The following ADAMTSL1 variants were observed in gnomAD, a reference collection of about 807,000 sequenced individuals.
ADAMTSL1 encodes ADAMTS like 1, also known as ADAMTS-like protein 1.
In ADAMTSL1, 126 loss-of-function variants were observed where a neutral mutation model predicts 201.8. The ratio of observed to expected loss-of-function variants is 0.62; its 90% CI spans 0.54 to 0.72. The LOEUF is 0.72. Among genes scored for constraint, ADAMTSL1 ranks in the 30% least tolerant of loss-of-function variants. The pLI is 0.00. For missense variants in ADAMTSL1, 2,679 were observed against 2,277.8 expected (o/e 1.18, Z -3.59); for synonymous variants, 1,121 against 903.4 (o/e 1.24, Z -4.32).
intron 2 of ADAMTSL1, among the ~76,000 whole-genome samples, chr9:18,412,016 C>G (rs1299180831): frequency 2.6e-5 from 4 of 152,308 alleles, no homozygotes; most frequent in South Asian, 2.1e-4. Flanking sequence ...ATAGCAGTCT[C>G]TATACCATTC....
intron 1 of ADAMTSL1, among the ~76,000 whole-genome samples, chr9:17,922,631 A>G (rs1295948956): frequency 6.6e-6 from 1 of 152,118 alleles, no homozygotes; most frequent in Non-Finnish European, 1.5e-5. Context: ...TTATTTACAG[A>G]TGAGAGAGGT....
At chr9:18,054,281 C>G (rs1043304402) in intron 1 of ADAMTSL1, among the ~76,000 whole-genome samples, 1 of 152,116 alleles carries the variant, frequency 6.6e-6, no homozygotes, top group Middle Eastern at 3.2e-3. Flanking sequence ...TCTGAGAAAA[C>G]GTCTATTCAA....
chr9:17,925,233 AG>A (rs1193609254), intron 1 of ADAMTSL1, among the ~76,000 whole-genome samples: 1 of 120,264 alleles, frequency 8.3e-6, no homozygotes, highest in Non-Finnish European at 1.8e-5. Context: ...GTGGAGAAAT[AG>A]GAACACTTTT....
intron 14 of ADAMTSL1, among the ~76,000 whole-genome samples, chr9:18,713,710 G>A (rs1832744878): frequency 1.3e-5 from 2 of 148,570 alleles, no homozygotes; most frequent in South Asian, 4.3e-4. Context: ...AGTCGACAAG[G>A]ATACCCAGGA....
intron 20 of ADAMTSL1, among the ~76,000 whole-genome samples, chr9:18,805,764 C>T (rs1294887881): frequency 6.6e-6 from 1 of 152,194 alleles, no homozygotes; most frequent in African/African-American, 2.4e-5. Context: ...GAATCCGTAT[C>T]TGCACAGTAC....
At chr9:18,311,398 A>G (rs1306765681) in intron 2 of ADAMTSL1, among the ~76,000 whole-genome samples, 1 of 152,100 alleles carries the variant, frequency 6.6e-6, no homozygotes, top group African/African-American at 2.4e-5. Flanking sequence ...TATCACTGTC[A>G]TCTCCTGCTG....
chr9:18,192,526 T>C (rs1041555792), intron 2 of ADAMTSL1, among the ~76,000 whole-genome samples: 7 of 152,270 alleles, frequency 4.6e-5, no homozygotes, highest in African/African-American at 1.7e-4. Flanking sequence ...CATGATTTAA[T>C]TGTCAAAATG....
intron 2 of ADAMTSL1, among the ~76,000 whole-genome samples, chr9:18,395,350 G>C (rs1043947534): frequency 3.3e-5 from 5 of 152,118 alleles, no homozygotes; most frequent in Admixed American, 6.5e-5. Flanking sequence ...TGTGGGTATT[G>C]GTTTTTGCTG....
rs536569933 is a variant in ADAMTSL1, at chr9:18,256,651, G to A, written c.207+92670G>A. On this transcript the variant is annotated intron_variant, in intron 2 of 29. Transcript: ENST00000680146. Reference sequence around the variant, plus strand: ...AGTGCTATAGTAGGAGAGGGACAGAGAGGCTTAAGAGCTAATTCTGGAACC... The same window carrying A: ...AGTGCTATAGTAGGAGAGGGACAGAAAGGCTTAAGAGCTAATTCTGGAACC... Among the ~76,000 whole-genome samples, 3 of 152,336 alleles carry A rather than the reference G, an allele frequency of 2.0e-5. No homozygotes were observed. The East Asian group carries it at 5.8e-4, about 29-fold the overall frequency.
chr9:18,706,624 G>T, intron 13 of ADAMTSL1, 123 bp from the exon 14 acceptor site: 20 of 962,448 alleles, frequency 2.1e-5, no homozygotes, highest in Non-Finnish European at 2.7e-5. Flanking sequence ...GGGTGGAGGA[G>T]CCCTGAGTAC....
intron 20 of ADAMTSL1, among the ~76,000 whole-genome samples, chr9:18,814,088 G>T (rs1243361001): frequency 6.6e-6 from 1 of 152,166 alleles, no homozygotes; most frequent in Non-Finnish European, 1.5e-5. Context: ...TAACTGGGGT[G>T]AGATGATACC....
chr9:18,876,021 T>C (rs1828126978), intron 23 of ADAMTSL1, among the ~76,000 whole-genome samples: 1 of 152,210 alleles, frequency 6.6e-6, no homozygotes, highest in Non-Finnish European at 1.5e-5. Flanking sequence ...TAACTGCTGT[T>C]GCTTTAAAGT....
intron 1 of ADAMTSL1, among the ~76,000 whole-genome samples, chr9:18,082,797 A>T (rs948199241): frequency 6.6e-6 from 1 of 152,194 alleles, no homozygotes; most frequent in African/African-American, 2.4e-5. Context: ...AGAAAGAAGA[A>T]GTAGAGAGTT....
In ADAMTSL1 at chr9:18,779,676, T is replaced by C. The variant is rs1325152207; in HGVS notation, c.3677+1770T>C. ...AACTGCTCTTATCCCTGTCATTTTC[T>C]CCAAAAAATCCTTATAACATGGTTG... On this transcript the variant is annotated intron_variant, in intron 19 of 28. Coordinates refer to ENST00000380548, the MANE Select transcript of ADAMTSL1 (RefSeq NM_001040272.6). 2.0e-5 allele frequency among the ~76,000 whole-genome samples: 3 copies of C among 152,218 alleles called. No individual in the cohort carries two copies. The East Asian group carries it at 5.8e-4, about 29-fold the overall frequency.
At position 18,905,836 on chromosome 9, in the gene ADAMTSL1, T is replaced by G; in HGVS notation, c.4906T>G (p.Cys1636Gly). The G allele has an allele frequency of 6.2e-7, 1 of 1,613,716 alleles. No homozygotes were observed. Among genetic ancestry groups the G allele is most frequent in the Non-Finnish European group, 8.5e-7 (1 of 1,179,822 alleles). The change falls in exon 27 of 29, where the codon TGC becomes GGC. Residue 1636 changes from cysteine (C) to glycine (G), a missense_variant. Cys to Gly is a radical substitution (Grantham distance 159). Coordinates refer to ENST00000380548, the MANE Select transcript of ADAMTSL1 (RefSeq NM_001040272.6). ...AGCTGTGCAACACAGACAAGTCTTC[T>G]GCCAGACACGGGATGGCATCACCTT... is the stretch of plus-strand genomic sequence containing the variant. ...HLAVQHRQVF[C>G]QTRDGITLPS...
chr9:18,236,103 C>T (rs980083284), intron 2 of ADAMTSL1, among the ~76,000 whole-genome samples: 5 of 152,160 alleles, frequency 3.3e-5, no homozygotes, highest in African/African-American at 1.2e-4. Flanking sequence ...TACCCTCACC[C>T]AAAATCTATC....
intron 2 of ADAMTSL1, among the ~76,000 whole-genome samples, chr9:18,524,596 T>C (rs1031205619): frequency 6.6e-6 from 1 of 152,192 alleles, no homozygotes; most frequent in African/African-American, 2.4e-5. Context: ...ATAACTCTTA[T>C]TATTTTGAGA....
At chr9:18,019,460 G>A (rs1820392383) in intron 1 of ADAMTSL1, among the ~76,000 whole-genome samples, 1 of 152,058 alleles carries the variant, frequency 6.6e-6, no homozygotes. Context: ...ACCTCAGAGA[G>A]ATCAAAGGTA....
rs536763405 is a variant in ADAMTSL1, at chr9:18,826,433, C to T, written c.4084C>T (p.Leu1362=). 8 of 1,613,690 alleles carry T rather than the reference C, an allele frequency of 5.0e-6. No homozygotes were observed. The South Asian group carries it at 7.7e-5, about 16-fold the overall frequency. The part of the protein sequence containing the change: ...SCRAANLHGE[L]TESTQLLILD... Reference sequence around the variant, plus strand: ...CAGGGCGGCCAATCTTCATGGAGAGCTGACTGAGAGCACCCAGCTGCTGAT... The same window carrying T: ...CAGGGCGGCCAATCTTCATGGAGAGTTGACTGAGAGCACCCAGCTGCTGAT... Residue 1362 remains leucine, a synonymous_variant, in exon 22 of 29, where the codon CTG becomes TTG. Coordinates refer to ENST00000380548, the MANE Select transcript of ADAMTSL1 (RefSeq NM_001040272.6).
Sources: gnomAD v4.1 joint callset for allele counts (sites outside exome capture counted in the v4.1 genomes callset) on GRCh38, gnomAD v4.1.1 for gene constraint, MANE v1.5 for transcripts, NCBI Gene and HGNC (gene_info 2026-07-23, HGNC 2026-07-21) for gene names.